The following HIF3A variants were observed in gnomAD, a reference collection of about 807,000 sequenced individuals.
The protein encoded by HIF3A is hypoxia inducible factor 3 subunit alpha.
Under a neutral mutation model 67.2 loss-of-function variants are expected in HIF3A, and 41 were observed. The ratio of observed to expected loss-of-function variants is 0.61; its 90% CI spans 0.48 to 0.79. The LOEUF is 0.79. HIF3A is among the 30% of genes least tolerant of loss of function. HIF3A has a pLI of 0.00. For missense variants in HIF3A, 855 were observed against 898.0 expected (o/e 0.95, Z 0.61); for synonymous variants, 356 against 374.8 (o/e 0.95, Z 0.58).
Position 46,340,372 on chromosome 19 carries a change from C to T in HIF3A, c.*750C>T, listed in dbSNP as rs1196411021. The T allele has an allele frequency of 6.5e-6, 1 of 152,770 alleles. No homozygotes were observed. Among genetic ancestry groups the T allele is most frequent in the Non-Finnish European group, 1.5e-5 (1 of 68,462 alleles). The allele number at this position is 152,770 out of a possible 1,614,324, so 9.5% of individuals were successfully genotyped here. A position where few individuals can be genotyped will look rare whatever the true frequency, so the allele number is the denominator to read the frequency against. ...CAAACTATGCAACCTCCAACCTGCT[C>T]CAGTTCCAGACTGTATAACCTCTGA... On this transcript the variant is annotated 3_prime_UTR_variant, in exon 15 of 15. Coordinates refer to ENST00000377670, the MANE Select transcript of HIF3A (RefSeq NM_152795.4).
chr19:46,313,746 A>T (rs989280649), intron 8 of HIF3A, among the ~76,000 whole-genome samples: 22 of 149,232 alleles, frequency 1.5e-4, no homozygotes, highest in Non-Finnish European at 1.9e-4. Flanking sequence ...GCTCACTTCA[A>T]CCTCTGCCTC....
chr19:46,330,178 C>T (rs892820072), intron 12 of HIF3A, among the ~76,000 whole-genome samples: 3 of 151,922 alleles, frequency 2.0e-5, no homozygotes, highest in Admixed American at 1.3e-4. Flanking sequence ...TCCCAAGGCT[C>T]CCAGCTTGGT....
intron 1 of HIF3A, among the ~76,000 whole-genome samples, chr19:46,302,699 C>G (rs1968448334): frequency 1.3e-5 from 2 of 152,132 alleles, no homozygotes; most frequent in African/African-American, 4.8e-5. Context: ...CAAAATGACA[C>G]ACTGTCTCTA....
chr19:46,324,020 G>A (rs1476103389), intron 10 of HIF3A, among the ~76,000 whole-genome samples: 3 of 152,164 alleles, frequency 2.0e-5, no homozygotes, highest in Admixed American at 6.5e-5. Flanking sequence ...AACTGGCACA[G>A]ATGACCCTCC....
Position 46,339,682 on chromosome 19 carries a change from C to A in HIF3A, c.*60C>A. On this transcript the variant is annotated 3_prime_UTR_variant, in exon 15 of 15. Transcript: ENST00000377670. ...CAGAAAGGACCTCAACCACACTCCA[C>A]GCCGGCAGCCAACGCACAGGATGGG... is the stretch of plus-strand genomic sequence containing the variant. 7.9e-7 allele frequency: 1 copy of A among 1,267,378 alleles called. No homozygotes were observed. Among genetic ancestry groups the A allele is most frequent in the Non-Finnish European group, 1.1e-6 (1 of 906,934 alleles). 78.5% of individuals were successfully genotyped at this position (1,267,378 alleles called of 1,614,324 possible).
intron 10 of HIF3A, 97 bp from the exon 11 acceptor site, chr19:46,325,438 T>C: frequency 1.2e-6 from 1 of 829,484 alleles, no homozygotes; most frequent in East Asian, 2.5e-5. Flanking sequence ...ATGCCTGGCA[T>C]TTGATCCCCA....
At chr19:46,324,072 T>C (rs1970583251) in intron 10 of HIF3A, among the ~76,000 whole-genome samples, 2 of 152,168 alleles carry the variant, frequency 1.3e-5, no homozygotes, top group Non-Finnish European at 1.5e-5. Flanking sequence ...TCTCTGAACT[T>C]TGACCTCAAA....
intron 13 of HIF3A, among the ~76,000 whole-genome samples, chr19:46,332,332 G>A (rs976881884): frequency 1.3e-5 from 2 of 151,076 alleles, no homozygotes; most frequent in East Asian, 2.0e-4. Context: ...TCAGGAGTTC[G>A]AGACCAGCCT....
intron 8 of HIF3A, among the ~76,000 whole-genome samples, chr19:46,313,809 G>C (rs918636497): frequency 1.3e-5 from 2 of 150,700 alleles, no homozygotes; most frequent in Admixed American, 1.3e-4. Context: ...GGGATTACAC[G>C]CAACAACACG....
intron 7 of HIF3A, 62 bp downstream of exon 7, chr19:46,312,329 GACCCCCC>G (rs1255901602): frequency 6.2e-7 from 1 of 1,613,034 alleles, no homozygotes; most frequent in Admixed American, 1.7e-5. Context: ...CTGACACCAG[GACCCCCC>G]AGCTCCCCAT....
chr19:46,336,858 G>C (rs1971664474), intron 14 of HIF3A, among the ~76,000 whole-genome samples: 1 of 152,090 alleles, frequency 6.6e-6, no homozygotes, highest in Non-Finnish European at 1.5e-5. Flanking sequence ...ACACTGGCAG[G>C]CGCCTGTAAT....
Position 46,297,213 on chromosome 19 carries a change from C to A in HIF3A, c.26+111C>A. 1.6e-6 allele frequency: 1 copy of A among 642,168 alleles called. No homozygotes were observed. Among genetic ancestry groups the A allele is most frequent in the Non-Finnish European group, 2.3e-6 (1 of 427,544 alleles). The allele number at this position is 642,168 out of a possible 1,614,324, so 39.8% of individuals were successfully genotyped here. ...GTTCGCGGGTGCGAGCCAAGAACGC[C>A]CCGGGGCGCGCAGTTGGAGGCACAT... On this transcript the variant is annotated intron_variant, in intron 1 of 14. Transcript: ENST00000377670. This position sits in a 1 kb window ranked among gnomAD's most constrained non-coding sequence, Gnocchi z 4.5.
intron 2 of HIF3A, 106 bp from the exon 3 acceptor site, chr19:46,305,139 A>C: frequency 6.6e-7 from 1 of 1,525,586 alleles, no homozygotes; most frequent in Non-Finnish European, 9.0e-7. Context: ...GGTGCATGTA[A>C]GTTTCTCTGA....
chr19:46,316,722 G>C (rs1969939811), intron 8 of HIF3A, among the ~76,000 whole-genome samples: 1 of 149,752 alleles, frequency 6.7e-6, no homozygotes, highest in Non-Finnish European at 1.5e-5. Flanking sequence ...AGAATCACTT[G>C]AACCCCGGAG....
rs1490607451 is a variant in HIF3A at position 46,340,398 on chromosome 19, C to T, written c.*776C>T. On this transcript the variant is annotated 3_prime_UTR_variant, in exon 15 of 15. Transcript: ENST00000377670. The stretch of plus-strand genomic sequence containing the variant: ...CAGTTCCAGACTGTATAACCTCTGA[C>T]CTGCACTGGTTCTAGACCACACAAC... 6.5e-6 allele frequency: 1 copy of T among 152,706 alleles called. No individual in the cohort carries two copies. Among genetic ancestry groups the T allele is most frequent in the Non-Finnish European group, 1.5e-5 (1 of 68,334 alleles). 9.5% of individuals were successfully genotyped at this position (152,706 alleles called of 1,614,324 possible). A position where few individuals can be genotyped will look rare whatever the true frequency, so the allele number is the denominator to read the frequency against.
intron 10 of HIF3A, among the ~76,000 whole-genome samples, chr19:46,322,256 C>T (rs1970427119): frequency 6.6e-6 from 1 of 152,052 alleles, no homozygotes; most frequent in Non-Finnish European, 1.5e-5. Flanking sequence ...ACTTCTGTGA[C>T]CAAATGTGGG....
intron 14 of HIF3A, among the ~76,000 whole-genome samples, chr19:46,335,689 T>C (rs1212033868): frequency 6.7e-6 from 1 of 149,752 alleles, no homozygotes; most frequent in Admixed American, 6.6e-5. Context: ...TGAGCTATGA[T>C]GGTGCCACTG....
intron 6 of HIF3A, 183 bp from the exon 7 acceptor site, chr19:46,311,978 G>C: frequency 1.3e-6 from 1 of 762,520 alleles, no homozygotes; most frequent in East Asian, 2.4e-5. Flanking sequence ...GGACATCTTT[G>C]GGGGTCATTA....
rs187614234 is a variant in HIF3A, at chr19:46,313,135, C to T, written c.1025+482C>T. The T allele has an allele frequency of 7.4e-4, 400 of 539,428 alleles. 2 individuals are homozygous for T. In the African/African-American group the frequency reaches 7.8e-3, roughly 11 times the overall value. The allele number at this position is 539,428 out of a possible 1,614,324, so 33.4% of individuals were successfully genotyped here. ...GTGTGGTGACACATGCCTGTAATCC[C>T]AACTACTCGGGAGGCTGAGGCACGA... is the stretch of plus-strand genomic sequence containing the variant. On this transcript the variant is annotated intron_variant, in intron 8 of 14. Coordinates refer to ENST00000377670, the MANE Select transcript of HIF3A (RefSeq NM_152795.4).
Sources: gnomAD v4.1 joint callset for allele counts (sites outside exome capture counted in the v4.1 genomes callset) on GRCh38, gnomAD v4.1.1 for gene constraint, Gnocchi (gnomAD v3.1) non-coding constraint, MANE v1.5 for transcripts, NCBI Gene and HGNC (gene_info 2026-07-23, HGNC 2026-07-21) for gene names.